The following CAPG variants were observed in gnomAD, a reference collection of about 807,000 sequenced individuals.
The protein encoded by CAPG is capping actin protein, gelsolin like.
A neutral mutation model predicts 44.6 loss-of-function variants in CAPG; 32 were observed. That is an observed-to-expected ratio of 0.72 (90% CI 0.54 to 0.96). The LOEUF (loss-of-function observed/expected upper bound fraction) is 0.96. CAPG is among the 50% of genes least tolerant of loss of function. The probability of loss-of-function intolerance (pLI) is 0.00; values close to 1 mark genes in which losing one functional copy is unlikely to be tolerated. For missense variants in CAPG, 412 were observed against 438.3 expected (o/e 0.94, Z 0.54); for synonymous variants, 175 against 179.6 (o/e 0.97, Z 0.20).
intron 6 of CAPG, 36 bp downstream of exon 6, chr2:85,399,100 A>T (rs1329998340): frequency 1.1e-5 from 18 of 1,606,718 alleles, no homozygotes; most frequent in South Asian, 5.5e-5. Flanking sequence ...ACTTTCAAGC[A>T]GAGGCTCCCA....
intron 1 of CAPG, among the ~76,000 whole-genome samples, chr2:85,408,379 C>CACACACA (rs1414612076): frequency 2.0e-4 from 29 of 146,144 alleles, no homozygotes; most frequent in African/African-American, 7.3e-4. Flanking sequence ...CACACACACA[C>CACACACA]AAGCCCCCTT....
chr2:85,415,424 T>C lies in CAPG; in HGVS notation c.-14+2843A>G, dbSNP rs553452055. Among the ~76,000 whole-genome samples, 15 of 152,350 alleles carry C rather than the reference T, an allele frequency of 9.8e-5. No individual in the cohort carries two copies. In the South Asian group the frequency reaches 3.1e-3, roughly 32 times the overall value. ...TGTTTTGTTTTGCTTAGGTCAAATT[T>C]ATAGTGAAATGCACAAATCATGTGT... On this transcript the variant is annotated intron_variant, in intron 1 of 5. Transcript: ENST00000409275.
chr2:85,407,853 T>G (rs562333989), intron 1 of CAPG, among the ~76,000 whole-genome samples: 55 of 152,270 alleles, frequency 3.6e-4, no homozygotes, highest in Non-Finnish European at 7.5e-4. Flanking sequence ...CAGATGACTC[T>G]AATGCTTGGT....
Position 85,402,951 on chromosome 2 carries a change from A to G in CAPG, c.-13-793T>C, listed in dbSNP as rs1383077820. The stretch of plus-strand genomic sequence containing the variant: ...ACGCCTGGCTAATTTTTGTATTTTT[A>G]GTAGAGACAGGGTTTCACCATGTTG... On this transcript the variant is annotated intron_variant, in intron 1 of 9. Coordinates refer to ENST00000263867, the MANE Select transcript of CAPG (RefSeq NM_001747.4). Among the ~76,000 whole-genome samples the G allele has an allele frequency of 1.2e-4, 18 of 151,832 alleles. 1 individual carries two copies. Among genetic ancestry groups the G allele is most frequent in the Non-Finnish European group, 1.5e-5 (1 of 67,978 alleles).
chr2:85,396,033 T>C (rs1233096781), intron 8 of CAPG: 2 of 183,902 alleles, frequency 1.1e-5, no homozygotes, highest in Admixed American at 5.4e-5. Flanking sequence ...AAGGGTACAA[T>C]TTATTATAGA....
chr2:85,407,209 C>T (rs1017421996), intron 1 of CAPG, among the ~76,000 whole-genome samples: 27 of 152,206 alleles, frequency 1.8e-4, no homozygotes, highest in African/African-American at 3.4e-4. Flanking sequence ...GGATTACAGG[C>T]GTGAGGCACT....
At position 85,399,960 on chromosome 2, in the gene CAPG, C is replaced by T. The variant is rs367937344; in HGVS notation, c.517-675G>A. On this transcript the variant is annotated intron_variant, in intron 5 of 9. Transcript: ENST00000263867. ...TTCTCCATGTTGGTCAGGCTGGTCT[C>T]GAACTCCCGACCTCAGGTGATCTGC... Among the ~76,000 whole-genome samples the T allele has an allele frequency of 2.4e-4, 37 of 152,174 alleles. No homozygotes were observed. In the South Asian group the frequency reaches 5.8e-3, roughly 24 times the overall value.
chr2:85,394,866 G>C lies in CAPG; in HGVS notation c.*27C>G, dbSNP rs376773661. The C allele has an allele frequency of 5.7e-6, 9 of 1,573,814 alleles. No homozygotes were observed. In the African/African-American group the frequency reaches 1.2e-4, roughly 21 times the overall value. ...AGCAGGCAGGTGGTGGGGGGCAGGG[G>C]AGCATGGGGCAGGAAGACGCCCACC... is the stretch of plus-strand genomic sequence containing the variant. On this transcript the variant is annotated 3_prime_UTR_variant, in exon 10 of 10. Coordinates refer to ENST00000263867, the MANE Select transcript of CAPG (RefSeq NM_001747.4).
chr2:85,409,311 C>T (rs1401084911), intron 1 of CAPG, among the ~76,000 whole-genome samples: 1 of 152,154 alleles, frequency 6.6e-6, no homozygotes, highest in Non-Finnish European at 1.5e-5. Context: ...TGCCATGGGG[C>T]TGGGGGAGGG....
At chr2:85,399,077 A>C in intron 6 of CAPG, 59 bp downstream of exon 6, 7 of 1,485,070 alleles carry the variant, frequency 4.7e-6, no homozygotes, top group Non-Finnish European at 5.6e-6. Flanking sequence ...GCTCATCACC[A>C]CCTCTCTTGG....
downstream of CAPG, among the ~76,000 whole-genome samples, chr2:85,392,241 T>C (rs1686409610): frequency 6.6e-6 from 1 of 152,044 alleles, no homozygotes; most frequent in Admixed American, 6.5e-5. Flanking sequence ...ATGCAAAAAA[T>C]TAGCCGGGCG....
At position 85,398,015 on chromosome 2, in the gene CAPG, C is replaced by T. The variant is rs374293942; in HGVS notation, c.892+5G>A. The T allele has an allele frequency of 7.6e-5, 123 of 1,613,178 alleles. No individual in the cohort carries two copies. Among genetic ancestry groups the T allele is most frequent in the Middle Eastern group, 5.0e-4 (3 of 6,060 alleles). On this transcript the variant is annotated splice_donor_5th_base_variant and intron_variant, in intron 8 of 9. Transcript: ENST00000263867. ...ATCTCAGGCTGTTACAGAGGAGCCA[C>T]GTACCCTTCCAGATATAGATCTTGC...
intron 2 of CAPG, 47 bp from the exon 3 acceptor site, chr2:85,402,004 A>G: frequency 6.2e-7 from 1 of 1,611,688 alleles, no homozygotes. Context: ...CACTTGCCCA[A>G]GCACAGCCCT....
chr2:85,416,678 A>G lies in CAPG; in HGVS notation c.-14+1589T>C, dbSNP rs1009335552. On this transcript the variant is annotated intron_variant, in intron 1 of 5. Coordinates refer to the CAPG transcript ENST00000409275. ...CAGGCGCACGCCACTATGCCAGCTA[A>G]TTTTTTTGTATTTTTAGTAGAGACA... Among the ~76,000 whole-genome samples the G allele has an allele frequency of 2.6e-5, 4 of 152,018 alleles. No individual in the cohort carries two copies. The South Asian group carries it at 8.3e-4, about 32-fold the overall frequency.
At chr2:85,402,060 G>A in intron 2 of CAPG, 63 bp downstream of exon 2, 3 of 1,609,140 alleles carry the variant, frequency 1.9e-6, no homozygotes, top group Non-Finnish European at 2.6e-6. Context: ...GAGCAGTGGG[G>A]AGGGGCAGCC....
chr2:85,393,574 A>T (rs1224556526), downstream of CAPG, among the ~76,000 whole-genome samples: 3 of 150,432 alleles, frequency 2.0e-5, no homozygotes, highest in Non-Finnish European at 4.5e-5. Context: ...TTTCTTTTTT[A>T]TTTTTATTTT....
In CAPG at chr2:85,401,171, C is replaced by T. The variant is rs767022200; in HGVS notation, c.510G>A (p.Leu170=). 8.1e-6 allele frequency: 13 copies of T among 1,613,770 alleles called. No homozygotes were observed. Among genetic ancestry groups the T allele is most frequent in the Admixed American group, 6.7e-5 (4 of 59,994 alleles). Residue 170 remains leucine, a synonymous_variant, in exon 5 of 10, where the codon CTG becomes CTA. Transcript: ENST00000263867. ...GTCTGGCCAGCCTACCCACCTGGCC[C>T]AGGTCCAGGATGAAGCAGTCCCCAG... ...FNTGDCFILD[L]GQNIFAWCGG...
At chr2:85,401,729 C>T in intron 3 of CAPG, 46 bp from the exon 4 acceptor site, 5 of 1,613,252 alleles carry the variant, frequency 3.1e-6, no homozygotes, top group Non-Finnish European at 4.2e-6. Context: ...GTGATCCATA[C>T]CAGCCCCCTC....
At chr2:85,399,662 T>G (rs1196307162) in intron 5 of CAPG, among the ~76,000 whole-genome samples, 1 of 152,096 alleles carries the variant, frequency 6.6e-6, no homozygotes, top group East Asian at 1.9e-4. Flanking sequence ...GCTAATTTCT[T>G]AATTTTTTGT....
Sources: allele counts gnomAD v4.1 joint callset (sites outside exome capture counted in the v4.1 genomes callset), GRCh38; gene constraint gnomAD v4.1.1; transcripts MANE v1.5; gene names NCBI Gene and HGNC (gene_info 2026-07-23, HGNC 2026-07-21).